The following ALDH16A1 variants were observed in gnomAD, a reference collection of about 807,000 sequenced individuals.
The protein encoded by ALDH16A1 is aldehyde dehydrogenase family 16 member A1.
Under a neutral mutation model 96.1 loss-of-function variants are expected in ALDH16A1, and 88 were observed. The observed-to-expected ratio is 0.92, with a 90% CI of 0.77 to 1.09. The LOEUF (loss-of-function observed/expected upper bound fraction) is 1.09, where lower values mean the gene tolerates loss of function less well. Ranked by LOEUF, ALDH16A1 falls within the 50% of genes least tolerant of loss-of-function variation. ALDH16A1 has a pLI of 0.00. For synonymous variants in ALDH16A1, 522 were observed against 496.4 expected, an observed-to-expected ratio of 1.05 and a Z score of -0.69; for missense variants, 1,250 against 1,112.6, an observed-to-expected ratio of 1.12 and a Z score of -1.76.
chr19:49,465,763 G>A lies in ALDH16A1; in HGVS notation c.1594G>A (p.Val532Ile), dbSNP rs182312672. 7.1e-4 allele frequency: 1,143 copies of A among 1,613,994 alleles called. 14 individuals carry two copies. In the Admixed American group the frequency reaches 0.013, roughly 18 times the overall value. Residue 532 changes from valine to isoleucine, a missense_variant, in exon 13 of 17, where the codon GTT (valine) becomes ATT (isoleucine). By Grantham distance (29) the Val-to-Ile change is conservative. Transcript: ENST00000293350. ...CCCAGCACCCCCCTATGGGCTCTTC[G>A]TTGGGGGCCGTTTCCAGGCTCCTGG... The part of the protein sequence containing the change: ...PSPAPPYGLF[V>I]GGRFQAPGAR...
Position 49,465,646 on chromosome 19 carries a change from G to A in ALDH16A1, c.1569-92G>A, listed in dbSNP as rs561767774. The A allele has an allele frequency of 4.4e-4, 636 of 1,449,756 alleles. 5 individuals carry two copies. The South Asian group carries it at 7.9e-3, about 18-fold the overall frequency. 89.8% of individuals were successfully genotyped at this position (1,449,756 alleles called of 1,614,324 possible). ...GGTTTGGGGTGCCCCAGAGGCTCAC[G>A]GGAGCCAAGGCAGTCTTCCCAGTGC... On this transcript the variant is annotated intron_variant, in intron 12 of 16. Coordinates refer to ENST00000293350, the MANE Select transcript of ALDH16A1 (RefSeq NM_153329.4).
intron 7 of ALDH16A1, among the ~76,000 whole-genome samples, 192 bp downstream of exon 7, chr19:49,462,228 G>A (rs1334266616): frequency 2.0e-5 from 1 of 51,192 alleles, no homozygotes; most frequent in Admixed American, 1.5e-4. Context: ...TGCCTCCCAG[G>A]TTCAGCCTGG....
rs1257868212 is a variant in ALDH16A1, at chr19:49,464,267, A to G, written c.1331+4A>G. 3.1e-6 allele frequency: 5 copies of G among 1,600,894 alleles called. No homozygotes were observed. The African/African-American group carries it at 5.3e-5, about 17-fold the overall frequency. ...AGGCGCTGGAGCTGGGCTATGGGTCAGTCTGCGTGGCCCGGGCGCTCACTC... is the reference window on the plus strand; with the variant it reads ...AGGCGCTGGAGCTGGGCTATGGGTCGGTCTGCGTGGCCCGGGCGCTCACTC... On this transcript the variant is annotated splice_donor_region_variant and intron_variant, in intron 10 of 16. Coordinates refer to ENST00000293350, the MANE Select transcript of ALDH16A1 (RefSeq NM_153329.4).
rs143237920 is a variant in ALDH16A1 at position 49,468,900 on chromosome 19, G to A, written c.2161G>A (p.Val721Met). 37 of 1,613,826 alleles carry A rather than the reference G, an allele frequency of 2.3e-5. No homozygotes were observed. In the Admixed American group the frequency reaches 4.3e-4, roughly 19 times the overall value. ...ATVFPAGLANVVTGDRDHLTR... is the reference protein window; with the variant it reads ...ATVFPAGLANMVTGDRDHLTR... Reference sequence around the variant, plus strand: ...CGTGTTCCCAGCAGGCCTGGCCAACGTGGTGACAGGAGACCGGGACCATCT... The same window carrying A: ...CGTGTTCCCAGCAGGCCTGGCCAACATGGTGACAGGAGACCGGGACCATCT... Residue 721 changes from valine (V) to methionine (M), a missense_variant, in exon 16 of 17, where the codon GTG becomes ATG. By Grantham distance (21) the Val-to-Met change is conservative. Coordinates refer to ENST00000293350, the MANE Select transcript of ALDH16A1 (RefSeq NM_153329.4). The surrounding 1 kb of genome is among the most constrained non-coding windows in gnomAD (Gnocchi z 4.4).
In ALDH16A1 at chr19:49,462,599, T is replaced by C; in HGVS notation, c.942T>C (p.Ser314=). The C allele has an allele frequency of 6.2e-7, 1 of 1,613,076 alleles. No individual in the cohort carries two copies. Among genetic ancestry groups the C allele is most frequent in the Non-Finnish European group, 8.5e-7 (1 of 1,179,930 alleles). Residue 314 remains serine (S), a synonymous_variant, in exon 8 of 17, where the codon TCT becomes TCC. Transcript: ENST00000293350. ...GCCTCAGGCTCCTCATCCAGGAGTC[T>C]GTGTGGGATGAAGCCATGAGACGGC... The part of the protein sequence containing the change: ...PGGLRLLIQE[S]VWDEAMRRLQ...
At chr19:49,462,213 A>G (rs1193196729) in intron 7 of ALDH16A1, among the ~76,000 whole-genome samples, 177 bp downstream of exon 7, 1 of 117,410 alleles carries the variant, frequency 8.5e-6, no homozygotes, top group African/African-American at 3.7e-5. Flanking sequence ...GCTCACCGCA[A>G]CCTCTGCCTC....
At chr19:49,466,316 G>A (rs930487540) in intron 14 of ALDH16A1, 33 bp downstream of exon 14, 1 of 1,426,712 alleles carries the variant, frequency 7.0e-7, no homozygotes, top group South Asian at 1.5e-5. Context: ...GGCCAGCTGG[G>A]CAGGCGGGGT....
At chr19:49,458,076 G>A (rs965730988) in intron 1 of ALDH16A1, among the ~76,000 whole-genome samples, 6 of 151,872 alleles carry the variant, frequency 4.0e-5, no homozygotes, top group South Asian at 4.2e-4. Context: ...AAAACTAGCC[G>A]CATGTGGTGG....
At chr19:49,453,597 C>T (rs562298088) in intron 1 of ALDH16A1, 176 bp downstream of exon 1, 139 of 584,242 alleles carry the variant, frequency 2.4e-4, no homozygotes, top group African/African-American at 2.3e-3. Context: ...TGAGCCTTGG[C>T]GGTGGCAGCC....
intron 4 of ALDH16A1, among the ~76,000 whole-genome samples, 165 bp downstream of exon 4, chr19:49,460,013 T>G (rs1372213849): frequency 6.6e-6 from 1 of 152,006 alleles, no homozygotes; most frequent in Admixed American, 6.6e-5. Flanking sequence ...CGGGTTCAAG[T>G]GATTCTCCTG....
chr19:49,460,719 T>A (rs1454957455), intron 4 of ALDH16A1, 103 bp from the exon 5 acceptor site: 13 of 976,280 alleles, frequency 1.3e-5, no homozygotes, highest in Non-Finnish European at 2.0e-5. Flanking sequence ...CGGCCATTTT[T>A]TTTTTTTTTT....
chr19:49,464,860 CA>C lies in ALDH16A1; in HGVS notation c.1568+101del, dbSNP rs2079185458. On this transcript the variant is annotated intron_variant, in intron 12 of 16. Coordinates refer to ENST00000293350, the MANE Select transcript of ALDH16A1 (RefSeq NM_153329.4). ...CTGGAGGGCTGGCGCGAGGTCCATC[CA>C]AACCATCTCTTAGTCCTGCTGAGTA... is the stretch of plus-strand genomic sequence containing the variant. The C allele has an allele frequency of 2.6e-6, 4 of 1,557,008 alleles. No individual in the cohort carries two copies. In the South Asian group the frequency reaches 4.6e-5, roughly 18 times the overall value.
Position 49,453,360 on chromosome 19 carries a change from C to A in ALDH16A1, c.29C>A (p.Ala10Asp). Residue 10 changes from alanine (A) to aspartate (D), a missense_variant, in exon 1 of 17, where the codon GCC becomes GAC. Physicochemically the swap from Ala to Asp is moderately radical, Grantham distance 126. Coordinates refer to ENST00000293350, the MANE Select transcript of ALDH16A1 (RefSeq NM_153329.4). ...GCTGCGACGCGTGCAGGGCCCCGCG[C>A]CCGCGAGATCTTCACCTCGCTGGAG... MAATRAGPR[A>D]REIFTSLEYG... 1 of 1,571,286 alleles carries A rather than the reference C, an allele frequency of 6.4e-7. No homozygotes were observed.
chr19:49,461,928 G>T lies in ALDH16A1; in HGVS notation c.804G>T (p.Glu268Asp), dbSNP rs7259917. The change falls in exon 7 of 17, where the codon GAG becomes GAT. Residue 268 changes from glutamate to aspartate, a missense_variant. Coordinates refer to ENST00000293350, the MANE Select transcript of ALDH16A1 (RefSeq NM_153329.4). ...LRRSLAGECA[E>D]LGLALGTESL... ...GGAGCCTGGCGGGAGAGTGTGCGGA[G>T]CTGGGCCTGGCGCTGGGGACGGAGT... 8.2e-5 allele frequency: 129 copies of T among 1,576,366 alleles called. No homozygotes were observed. Among genetic ancestry groups the T allele is most frequent in the Non-Finnish European group, 1.0e-4 (121 of 1,162,614 alleles).
rs950952554 is a variant in ALDH16A1 at position 49,468,216 on chromosome 19, C to G, written c.1939-165C>G. The G allele has an allele frequency of 3.6e-5, 24 of 659,020 alleles. No homozygotes were observed. Among genetic ancestry groups the G allele is most frequent in the Non-Finnish European group, 4.3e-5 (17 of 394,238 alleles). The allele number at this position is 659,020 out of a possible 1,614,324, so 40.8% of individuals were successfully genotyped here. ...GGATGTTTCTCACCGCCCGAACCCCCGTGGAATGATTCACTTTGACCAGCG... is the reference window on the plus strand; with the variant it reads ...GGATGTTTCTCACCGCCCGAACCCCGGTGGAATGATTCACTTTGACCAGCG... On this transcript the variant is annotated intron_variant, in intron 14 of 16. Transcript: ENST00000293350. This position sits in a 1 kb window ranked among gnomAD's most constrained non-coding sequence, Gnocchi z 4.4.
chr19:49,464,794 G>A (rs768158766), intron 12 of ALDH16A1, 32 bp downstream of exon 12: 3 of 1,612,656 alleles, frequency 1.9e-6, no homozygotes, highest in South Asian at 1.1e-5. Flanking sequence ...GTCTGGGAGT[G>A]TGAACGGGGA....
chr19:49,467,027 C>A (rs1465805389), intron 14 of ALDH16A1, among the ~76,000 whole-genome samples: 1 of 152,144 alleles, frequency 6.6e-6, no homozygotes, highest in Non-Finnish European at 1.5e-5. Context: ...GATAAATTAG[C>A]TGGGCATGTT....
chr19:49,456,874 G>A (rs566912762), intron 1 of ALDH16A1, among the ~76,000 whole-genome samples: 11 of 152,150 alleles, frequency 7.2e-5, no homozygotes, highest in Non-Finnish European at 1.3e-4. Flanking sequence ...TTGGGAGGCC[G>A]AGGCGAGTGG....
chr19:49,459,639 G>A lies in ALDH16A1; in HGVS notation c.321-31G>A. The A allele has an allele frequency of 6.3e-7, 1 of 1,579,930 alleles. No homozygotes were observed. Among genetic ancestry groups the A allele is most frequent in the Non-Finnish European group, 8.6e-7 (1 of 1,163,494 alleles). On this transcript the variant is annotated intron_variant, in intron 3 of 16. Coordinates refer to ENST00000293350, the MANE Select transcript of ALDH16A1 (RefSeq NM_153329.4). This position sits in a 1 kb window ranked among gnomAD's most constrained non-coding sequence, Gnocchi z 4.1. ...GACTCTGCAAGGCTGAGGGCCGTTG[G>A]AAAATGAGCACCCTCTTGCTTTCTC...
Sources: allele counts gnomAD v4.1 joint callset (sites outside exome capture counted in the v4.1 genomes callset), GRCh38; gene constraint gnomAD v4.1.1; non-coding constraint Gnocchi (gnomAD v3.1); transcripts MANE v1.5; gene names NCBI Gene and HGNC (gene_info 2026-07-23, HGNC 2026-07-21).